Variants in NR3C2 observed in about 807,000 individuals in gnomAD.
NR3C2 encodes the protein mineralocorticoid receptor.
NR3C2 carries 15 observed loss-of-function variants against 86.4 expected under a neutral mutation model. That is an observed-to-expected ratio of 0.17 (90% CI 0.12 to 0.27). The LOEUF (loss-of-function observed/expected upper bound fraction) is 0.27, where lower values mean the gene tolerates loss of function less well. Ranked by LOEUF, NR3C2 falls within the 10% of genes least tolerant of loss-of-function variation. The probability of loss-of-function intolerance (pLI) is 1.00; values close to 1 mark genes in which losing one functional copy is unlikely to be tolerated. For synonymous variants in NR3C2, 458 were observed against 450.5 expected, an observed-to-expected ratio of 1.02 and a Z score of -0.21; for missense variants, 960 against 1,195.6, an observed-to-expected ratio of 0.80 and a Z score of 2.91.
chr4:148,215,031 C>T (rs960861193), intron 3 of NR3C2, among the ~76,000 whole-genome samples: 11 of 152,150 alleles, frequency 7.2e-5, no homozygotes, highest in East Asian at 3.9e-4. Context: ...CATTCTCCAC[C>T]GAAGCCCTAC....
chr4:148,366,316 G>A (rs2126344052), intron 2 of NR3C2, among the ~76,000 whole-genome samples: 1 of 151,568 alleles, frequency 6.6e-6, no homozygotes, highest in East Asian at 1.9e-4. Context: ...AGAATGTTGT[G>A]CAGTCATGGC....
At chr4:148,107,424 G>A (rs911956685) in intron 8 of NR3C2, among the ~76,000 whole-genome samples, 1 of 152,210 alleles carries the variant, frequency 6.6e-6, no homozygotes, top group African/African-American at 2.4e-5. Flanking sequence ...CAACCATTGT[G>A]GAAGACAGTG....
At chr4:148,379,066 G>A (rs1746825353) in intron 2 of NR3C2, among the ~76,000 whole-genome samples, 1 of 152,066 alleles carries the variant, frequency 6.6e-6, no homozygotes, top group African/African-American at 2.4e-5. Context: ...GATACATGAA[G>A]ATTAAAAACT....
intron 4 of NR3C2, among the ~76,000 whole-genome samples, chr4:148,162,959 C>T (rs924815363): frequency 1.3e-5 from 2 of 152,124 alleles, no homozygotes; most frequent in Non-Finnish European, 1.5e-5. Context: ...GAAAAGACTG[C>T]GGTTGACTTA....
chr4:148,241,842 T>G (rs1471513915), intron 3 of NR3C2, among the ~76,000 whole-genome samples: 1 of 152,098 alleles, frequency 6.6e-6, no homozygotes, highest in Non-Finnish European at 1.5e-5. Flanking sequence ...AAATACAGAG[T>G]TTCATCATTA....
chr4:148,295,506 T>A (rs1742004784), intron 2 of NR3C2, among the ~76,000 whole-genome samples: 1 of 149,282 alleles, frequency 6.7e-6, no homozygotes, highest in Non-Finnish European at 1.5e-5. Context: ...TCTGGGCTGG[T>A]ATGTATGTCA....
intron 2 of NR3C2, among the ~76,000 whole-genome samples, chr4:148,398,980 A>C (rs553424430): frequency 1.8e-4 from 27 of 152,372 alleles, no homozygotes; most frequent in South Asian, 1.0e-3. Flanking sequence ...AGCAGTCATA[A>C]AAACACTGGA....
chr4:148,244,509 C>T (rs1296957679), intron 3 of NR3C2, among the ~76,000 whole-genome samples: 1 of 152,110 alleles, frequency 6.6e-6, no homozygotes, highest in Non-Finnish European at 1.5e-5. Flanking sequence ...GCCTAAATTA[C>T]TTACCTGCAA....
chr4:148,213,137 GT>G (rs11335509), intron 3 of NR3C2, among the ~76,000 whole-genome samples: 86,789 of 146,924 alleles, frequency 0.59, 25,483 homozygotes, highest in African/African-American at 0.64. Context: ...ACAATGATGG[GT>G]TTTTTTTTTT....
chr4:148,154,542 C>T lies in NR3C2; in HGVS notation c.2365+9G>A, dbSNP rs546378431. The T allele has an allele frequency of 2.0e-5, 33 of 1,613,286 alleles. No individual in the cohort carries two copies. The highest frequency in any genetic ancestry group is 2.6e-5 in the Non-Finnish European group (31 of 1,179,404). Reference sequence around the variant, plus strand: ...AGGATGCAGCCTGTGAAAGGAGAGGCAATCCTACCTGGAAGTACCTTTGCC... The same window carrying T: ...AGGATGCAGCCTGTGAAAGGAGAGGTAATCCTACCTGGAAGTACCTTTGCC... On this transcript the variant is annotated intron_variant, in intron 5 of 8. Transcript: ENST00000358102.
chr4:148,398,091 C>G (rs182209537), intron 2 of NR3C2, among the ~76,000 whole-genome samples: 12 of 152,220 alleles, frequency 7.9e-5, no homozygotes, highest in Admixed American at 7.8e-4. Flanking sequence ...TTTCCCTTTC[C>G]TTTCTCTTAT....
intron 1 of NR3C2, among the ~76,000 whole-genome samples, chr4:148,441,277 C>T (rs749386508): frequency 6.6e-6 from 1 of 152,202 alleles, no homozygotes; most frequent in Non-Finnish European, 1.5e-5. Context: ...TCCATGATAG[C>T]TGCCACGATG....
chr4:148,392,634 C>A (rs183596852), intron 2 of NR3C2, among the ~76,000 whole-genome samples: 15 of 152,124 alleles, frequency 9.9e-5, no homozygotes, highest in Non-Finnish European at 1.8e-4. Flanking sequence ...GAACTGGCTA[C>A]CAAGACTGAG....
In NR3C2 at chr4:148,366,083, C is replaced by T. The variant is rs141057966; in HGVS notation, c.1757+69021G>A. On this transcript the variant is annotated intron_variant, in intron 2 of 8. Transcript: ENST00000358102. Reference sequence around the variant, plus strand: ...CTAACTTCTGCCAATCTTAATATTCCAAATCTTTGTATAAATTTCTAGAAA... The same window carrying T: ...CTAACTTCTGCCAATCTTAATATTCTAAATCTTTGTATAAATTTCTAGAAA... 7.2e-5 allele frequency among the ~76,000 whole-genome samples: 11 copies of T among 152,082 alleles called. No homozygotes were observed. The East Asian group carries it at 2.1e-3, about 29-fold the overall frequency.
chr4:148,145,034 T>A (rs1236939301), intron 6 of NR3C2, among the ~76,000 whole-genome samples: 2 of 152,144 alleles, frequency 1.3e-5, no homozygotes, highest in Non-Finnish European at 2.9e-5. Context: ...CAGGCAGTTG[T>A]TATACTGTTT....
intron 2 of NR3C2, among the ~76,000 whole-genome samples, chr4:148,418,686 CAAT>C (rs1299973056): frequency 2.6e-5 from 4 of 152,226 alleles, no homozygotes; most frequent in East Asian, 3.9e-4. Flanking sequence ...TAACAATCAA[CAAT>C]AATAAGAACT....
intron 8 of NR3C2, among the ~76,000 whole-genome samples, chr4:148,108,312 G>A (rs1368707773): frequency 5.3e-5 from 8 of 151,936 alleles, no homozygotes; most frequent in Non-Finnish European, 8.8e-5. Flanking sequence ...CATGTTGGCT[G>A]GGCTGGTCTC....
At chr4:148,271,027 T>C (rs190842853) in intron 2 of NR3C2, among the ~76,000 whole-genome samples, 13 of 152,300 alleles carry the variant, frequency 8.5e-5, no homozygotes, top group Admixed American at 8.5e-4. Flanking sequence ...AATTATTCTT[T>C]ACTATTATGT....
intron 2 of NR3C2, among the ~76,000 whole-genome samples, chr4:148,383,137 T>C (rs1413761212): frequency 2.0e-5 from 3 of 152,324 alleles, no homozygotes; most frequent in South Asian, 2.1e-4. Context: ...ATTTGTGACA[T>C]GTAGAATAGC....
Sources: gnomAD v4.1 joint callset for allele counts (sites outside exome capture counted in the v4.1 genomes callset) on GRCh38, gnomAD v4.1.1 for gene constraint, MANE v1.5 for transcripts, NCBI Gene and HGNC (gene_info 2026-07-23, HGNC 2026-07-21) for gene names.